WDR20: variants seen among roughly 807,000 people sequenced by gnomAD.
The protein encoded by WDR20 is WD repeat-containing protein 20.
Under a neutral mutation model 38.7 loss-of-function variants are expected in WDR20, and 3 were observed. The observed-to-expected ratio is 0.08, with a 90% CI of 0.04 to 0.20. WDR20 has a LOEUF of 0.20. Ranked by LOEUF, WDR20 falls within the 10% of genes least tolerant of loss-of-function variation. WDR20 has a pLI of 1.00. For missense variants in WDR20, 559 were observed against 727.7 expected (o/e 0.77, Z 2.67); for synonymous variants, 298 against 285.6 (o/e 1.04, Z -0.44).
In WDR20 at chr14:102,156,714, G is replaced by C. The variant is rs1291663418; in HGVS notation, c.249+16542G>C. Among the ~76,000 whole-genome samples the C allele has an allele frequency of 3.3e-5, 5 of 151,956 alleles. No homozygotes were observed. In the South Asian group the frequency reaches 6.2e-4, roughly 19 times the overall value. On this transcript the variant is annotated intron_variant, in intron 1 of 2. Coordinates refer to ENST00000342702, the MANE Select transcript of WDR20 (RefSeq NM_144574.4). ...AGATTTATGCATTTAAAAACTATTGGGGCCAGGTGCGGTGGCTCATGCCTG... is the reference window on the plus strand; with the variant it reads ...AGATTTATGCATTTAAAAACTATTGCGGCCAGGTGCGGTGGCTCATGCCTG...
chr14:102,212,482 C>T, downstream of WDR20: 3 of 1,534,468 alleles, frequency 2.0e-6, no homozygotes, highest in Non-Finnish European at 2.6e-6. Context: ...ACTCTGTGTC[C>T]ACTCTGCCCC....
intron 1 of WDR20, chr14:102,178,932 G>C (rs1446653936): frequency 2.0e-5 from 3 of 151,986 alleles, no homozygotes; most frequent in Non-Finnish European, 4.4e-5. Context: ...GATGAGAGAG[G>C]GGAATCTCTG....
chr14:102,150,945 G>A (rs1424717241), intron 1 of WDR20, among the ~76,000 whole-genome samples: 1 of 152,160 alleles, frequency 6.6e-6, no homozygotes, highest in Non-Finnish European at 1.5e-5. Context: ...ACATTTATTG[G>A]ACCTGTGGAT....
intron 1 of WDR20, among the ~76,000 whole-genome samples, chr14:102,148,556 T>C (rs1047698634): frequency 2.1e-5 from 3 of 146,204 alleles, no homozygotes; most frequent in Admixed American, 1.4e-4. Context: ...AAAAAAAAAA[T>C]CATAATCCTC....
chr14:102,191,056 G>C (rs551086292), intron 1 of WDR20, among the ~76,000 whole-genome samples: 1 of 151,972 alleles, frequency 6.6e-6, no homozygotes, highest in African/African-American at 2.4e-5. Flanking sequence ...ATAAGATGTG[G>C]CTGGAATTAA....
At chr14:102,165,426 G>C (rs1344574464) in intron 1 of WDR20, among the ~76,000 whole-genome samples, 1 of 151,844 alleles carries the variant, frequency 6.6e-6, no homozygotes, top group African/African-American at 2.4e-5. Context: ...CCTTTCTTTA[G>C]GTTTACTCTG....
At chr14:102,211,305 C>G (rs924896214), downstream of WDR20, among the ~76,000 whole-genome samples, 4 of 152,182 alleles carry the variant, frequency 2.6e-5, no homozygotes, top group African/African-American at 9.7e-5. This position sits in a 1 kb window ranked among gnomAD's most constrained non-coding sequence, Gnocchi z 4.2. Flanking sequence ...AAGTGAAGAC[C>G]TGGTGGCTTT....
intron 1 of WDR20, among the ~76,000 whole-genome samples, chr14:102,153,300 CCT>C (rs1280555364): frequency 2.2e-5 from 3 of 135,736 alleles, no homozygotes; most frequent in Admixed American, 1.9e-4. Context: ...GCCAGTGAAA[CCT>C]CTTTCTTTTT....
chr14:102,182,828 A>G (rs992756476), intron 1 of WDR20, among the ~76,000 whole-genome samples: 8 of 152,098 alleles, frequency 5.3e-5, no homozygotes, highest in African/African-American at 1.9e-4. Context: ...TTCTTTGCAA[A>G]TATGTACATG....
At chr14:102,140,920 C>A (rs1012698484) in intron 1 of WDR20, among the ~76,000 whole-genome samples, 2 of 152,112 alleles carry the variant, frequency 1.3e-5, no homozygotes, top group Non-Finnish European at 2.9e-5. Context: ...TGAGAGTGCC[C>A]AGATTAATCT....
At chr14:102,202,649 G>T (rs981034760) in intron 2 of WDR20, among the ~76,000 whole-genome samples, 2 of 152,012 alleles carry the variant, frequency 1.3e-5, no homozygotes, top group African/African-American at 2.4e-5. Flanking sequence ...CAAAGTACTG[G>T]GATTACAGGT....
At chr14:102,211,509 C>T (rs552819359), downstream of WDR20, among the ~76,000 whole-genome samples, 1 of 152,264 alleles carries the variant, frequency 6.6e-6, no homozygotes, top group East Asian at 1.9e-4. The surrounding 1 kb of genome is among the most constrained non-coding windows in gnomAD (Gnocchi z 4.2). Context: ...ATGGCATGGC[C>T]GCGTGCTGCC....
rs1052645502 is a variant in WDR20, at chr14:102,195,210, G to A, written c.432+90G>A. 3.5e-6 allele frequency: 5 copies of A among 1,432,184 alleles called. No individual in the cohort carries two copies. In the African/African-American group the frequency reaches 5.7e-5, roughly 16 times the overall value. The allele number at this position is 1,432,184 out of a possible 1,614,324, so 88.7% of individuals were successfully genotyped here. The stretch of plus-strand genomic sequence containing the variant: ...TAGTCGGCCTTATTTTGCACTTCAA[G>A]CTAAGCCCATTTTTTATTCGCCCAG... On this transcript the variant is annotated intron_variant, in intron 2 of 2. Coordinates refer to ENST00000342702, the MANE Select transcript of WDR20 (RefSeq NM_144574.4).
At chr14:102,183,157 TGCCAA>T (rs1350014603) in intron 1 of WDR20, among the ~76,000 whole-genome samples, 1 of 152,194 alleles carries the variant, frequency 6.6e-6, no homozygotes, top group Non-Finnish European at 1.5e-5. Flanking sequence ...ACAGCACAAG[TGCCAA>T]GTGAGTAGTT....
At chr14:102,139,697 C>T (rs2050220649), upstream of WDR20, 14 of 684,590 alleles carry the variant, frequency 2.0e-5, no homozygotes, top group Admixed American at 1.5e-4. Context: ...GGGGGAGGAG[C>T]CTGCGGACGC....
chr14:102,206,218 C>G (rs1334213139), intron 2 of WDR20, among the ~76,000 whole-genome samples: 4 of 152,180 alleles, frequency 2.6e-5, no homozygotes, highest in African/African-American at 7.2e-5. Flanking sequence ...AACTCCTGAC[C>G]TAAAGTGATC....
downstream of WDR20, among the ~76,000 whole-genome samples, chr14:102,215,983 G>T (rs2063171941): frequency 6.6e-6 from 1 of 152,134 alleles, no homozygotes; most frequent in Non-Finnish European, 1.5e-5. Flanking sequence ...TCAGGCCCTT[G>T]TGCTCCCATT....
At chr14:102,219,147 C>T (rs869091713), downstream of WDR20, among the ~76,000 whole-genome samples, 21 of 152,244 alleles carry the variant, frequency 1.4e-4, no homozygotes, top group Admixed American at 2.6e-4. Flanking sequence ...GCCTAGGTGT[C>T]TGTTTCTCGT....
Position 102,207,331 on chromosome 14 carries a change from G to A in WDR20, c.433-1272G>A, listed in dbSNP as rs570431870. Among the ~76,000 whole-genome samples, 3 of 152,300 alleles carry A rather than the reference G, an allele frequency of 2.0e-5. No homozygotes were observed. The highest frequency in any genetic ancestry group is 1.9e-4 in the East Asian group (1 of 5,190). Reference sequence around the variant, plus strand: ...TGGCTCATTAATTTCTTTCCCAGCCGTTCTTTTAAAAATCAAGTCGTCTTA... The same window carrying A: ...TGGCTCATTAATTTCTTTCCCAGCCATTCTTTTAAAAATCAAGTCGTCTTA... On this transcript the variant is annotated intron_variant, in intron 2 of 2. Transcript: ENST00000342702. This position sits in a 1 kb window ranked among gnomAD's most constrained non-coding sequence, Gnocchi z 5.0.
Sources: allele counts gnomAD v4.1 joint callset (sites outside exome capture counted in the v4.1 genomes callset), GRCh38; gene constraint gnomAD v4.1.1; non-coding constraint Gnocchi (gnomAD v3.1); transcripts MANE v1.5; gene names NCBI Gene and HGNC (gene_info 2026-07-23, HGNC 2026-07-21).